ARVCF: variants seen among roughly 807,000 people sequenced by gnomAD.
ARVCF encodes the protein splicing regulator ARVCF.
In ARVCF, 66 loss-of-function variants were observed where a neutral mutation model predicts 90.9. The ratio of observed to expected loss-of-function variants is 0.73; its 90% CI spans 0.60 to 0.89. The LOEUF is 0.89. Among genes scored for constraint, ARVCF ranks in the 40% least tolerant of loss-of-function variants. ARVCF has a pLI of 0.00. For missense variants in ARVCF, 1,469 were observed against 1,382.3 expected (o/e 1.06, Z -1.00); for synonymous variants, 653 against 603.4 (o/e 1.08, Z -1.21).
chr22:19,976,761 G>A (rs367687530), intron 9 of ARVCF, 38 bp from the exon 10 acceptor site: 12 of 1,554,492 alleles, frequency 7.7e-6, no homozygotes, highest in African/African-American at 1.4e-5. Context: ...GAGGAGAGGA[G>A]CCTGAACAGG....
At chr22:19,967,667 T>A (rs1369506700), downstream of ARVCF, 1 of 299,892 alleles carries the variant, frequency 3.3e-6, no homozygotes, top group East Asian at 9.4e-5. Context: ...TGCCTGCAAA[T>A]TGATTTTATT....
downstream of ARVCF, chr22:19,967,131 C>T: frequency 7.8e-7 from 1 of 1,286,678 alleles, no homozygotes; most frequent in Non-Finnish European, 1.0e-6. Context: ...CCTTTCTGCC[C>T]TTCCCTCCTT....
At chr22:19,973,464 G>T in intron 13 of ARVCF, 147 bp from the exon 14 acceptor site, 1 of 1,332,558 alleles carries the variant, frequency 7.5e-7, no homozygotes, top group Non-Finnish European at 1.0e-6. Context: ...TGTGAGCAGG[G>T]CGCTGAGCTT....
intron 12 of ARVCF, 34 bp downstream of exon 12, chr22:19,974,078 G>A: frequency 6.3e-7 from 1 of 1,583,024 alleles, no homozygotes. Flanking sequence ...CCCTCTCTCA[G>A]GACTTGCCCA....
chr22:19,968,711 G>T (rs1030230368), downstream of ARVCF: 3 of 1,612,076 alleles, frequency 1.9e-6, no homozygotes, highest in Admixed American at 5.0e-5. Context: ...ATCTACAAGG[G>T]CCCAGGCAGC....
intron 11 of ARVCF, among the ~76,000 whole-genome samples, chr22:19,975,263 G>T (rs1401065644): frequency 6.6e-6 from 1 of 152,174 alleles, no homozygotes; most frequent in African/African-American, 2.4e-5. Flanking sequence ...GCACTGCCCT[G>T]TCCCTGCAGG....
chr22:19,989,476 A>G (rs1379155305), intron 3 of ARVCF, among the ~76,000 whole-genome samples: 3 of 152,082 alleles, frequency 2.0e-5, no homozygotes, highest in African/African-American at 4.8e-5. Flanking sequence ...TGAGCCCCAC[A>G]TGCCCCAGCC....
At chr22:19,967,473 CCT>C (rs1390072247), downstream of ARVCF, 1 of 450,184 alleles carries the variant, frequency 2.2e-6, no homozygotes, top group Non-Finnish European at 4.5e-6. Flanking sequence ...GGGGCTGTCC[CCT>C]GACCTCACTG....
At chr22:19,979,141 G>A in intron 6 of ARVCF, 61 bp from the exon 7 acceptor site, 1 of 1,552,130 alleles carries the variant, frequency 6.4e-7, no homozygotes, top group Admixed American at 1.7e-5. Flanking sequence ...ACCTCCCCAG[G>A]TGGCCACGCT....
chr22:19,979,252 G>C (rs1228951000), intron 6 of ARVCF, 172 bp from the exon 7 acceptor site: 6 of 716,912 alleles, frequency 8.4e-6, no homozygotes, highest in Non-Finnish European at 1.3e-5. Flanking sequence ...CTGGTTTCCA[G>C]CTAGGAAGGA....
Position 19,977,481 on chromosome 22 carries a change from T to A in ARVCF, c.1804A>T (p.Ser602Cys). 1 of 1,593,310 alleles carries A rather than the reference T, an allele frequency of 6.3e-7. No individual in the cohort carries two copies. Among genetic ancestry groups the A allele is most frequent in the Non-Finnish European group, 8.6e-7 (1 of 1,169,230 alleles). ...YQEAEPGPLG[S>C]AVGSQRRRRD... ...CTCCGGCGCTGGGAGCCTACAGCAC[T>A]GCCCAGGGGCCCGGGCTCGGCCTCC... is the stretch of plus-strand genomic sequence containing the variant. The change falls in exon 9 of 20, where the codon AGT becomes TGT. Residue 602 changes from serine (S) to cysteine (C), a missense_variant. Ser to Cys is a moderately radical substitution (Grantham distance 112). Coordinates refer to ENST00000263207, the MANE Select transcript of ARVCF (RefSeq NM_001670.3).
intron 2 of ARVCF, among the ~76,000 whole-genome samples, chr22:20,004,519 T>C (rs150201021): frequency 3.0e-4 from 46 of 150,904 alleles, no homozygotes; most frequent in Non-Finnish European, 5.5e-4. Flanking sequence ...AAAATCCCAA[T>C]GACATTGTTT....
chr22:20,000,261 C>A (rs1405734619), intron 2 of ARVCF, among the ~76,000 whole-genome samples: 2 of 152,208 alleles, frequency 1.3e-5, no homozygotes, highest in East Asian at 3.9e-4. Context: ...TCCCAGGGTG[C>A]CTGGGGCACC....
At chr22:19,969,439 G>C (rs1028615397), downstream of ARVCF, 4 of 152,456 alleles carry the variant, frequency 2.6e-5, no homozygotes, top group Non-Finnish European at 4.4e-5. Context: ...GCTCAGACCA[G>C]CTCCCGCATC....
At chr22:19,979,174 A>G (rs1325165078) in intron 6 of ARVCF, 94 bp from the exon 7 acceptor site, 2 of 1,327,270 alleles carry the variant, frequency 1.5e-6, no homozygotes, top group African/African-American at 2.9e-5. Context: ...CACTCTCCTC[A>G]TGTCCCAGCT....
rs369057137 is a variant in ARVCF, at chr22:20,014,971, G to A, written c.-73+1618C>T. Among the ~76,000 whole-genome samples, 299 of 152,308 alleles carry A rather than the reference G, an allele frequency of 2.0e-3. 1 individual carries two copies. Among genetic ancestry groups the A allele is most frequent in the East Asian group, 0.014 (75 of 5,180 alleles). On this transcript the variant is annotated intron_variant, in intron 1 of 19. Coordinates refer to ENST00000263207, the MANE Select transcript of ARVCF (RefSeq NM_001670.3). ...AGATGCAGAGGGCCCCGGGACTGGGGGGAGACTACAGGGCCACCTCTGGAG... is the reference window on the plus strand; with the variant it reads ...AGATGCAGAGGGCCCCGGGACTGGGAGGAGACTACAGGGCCACCTCTGGAG...
chr22:20,000,837 A>C (rs1944418165), intron 2 of ARVCF, among the ~76,000 whole-genome samples: 1 of 152,140 alleles, frequency 6.6e-6, no homozygotes, highest in African/African-American at 2.4e-5. Flanking sequence ...AGCCCTCACC[A>C]GACACGGAAT....
chr22:20,009,466 T>C (rs961621645), intron 2 of ARVCF, among the ~76,000 whole-genome samples: 1 of 152,224 alleles, frequency 6.6e-6, no homozygotes, highest in Non-Finnish European at 1.5e-5. Context: ...GGCTGGGCCA[T>C]GCCTCCACAA....
intron 1 of ARVCF, among the ~76,000 whole-genome samples, chr22:20,012,452 A>G (rs1176064260): frequency 6.6e-6 from 1 of 152,242 alleles, no homozygotes; most frequent in Non-Finnish European, 1.5e-5. Context: ...CAGTGATGTG[A>G]AGGCAGAACT....
Sources: allele counts gnomAD v4.1 joint callset (sites outside exome capture counted in the v4.1 genomes callset), GRCh38; gene constraint gnomAD v4.1.1; transcripts MANE v1.5; gene names NCBI Gene and HGNC (gene_info 2026-07-23, HGNC 2026-07-21).